CEP112: variants seen among roughly 807,000 people sequenced by gnomAD.
The protein encoded by CEP112 is centrosomal protein of 112 kDa.
In CEP112, 127 loss-of-function variants were observed where a neutral mutation model predicts 153.0. The ratio of observed to expected loss-of-function variants is 0.83; its 90% CI spans 0.72 to 0.96. CEP112 has a LOEUF of 0.96. CEP112 is among the 40% of genes least tolerant of loss of function. The probability of loss-of-function intolerance (pLI) is 0.00; values close to 1 mark genes in which losing one functional copy is unlikely to be tolerated. For synonymous variants in CEP112, 358 were observed against 374.4 expected (o/e 0.96, Z 0.51); for missense variants, 1,089 against 1,101.2 (o/e 0.99, Z 0.16).
chr17:66,135,615 T>G (rs1313982110), intron 4 of CEP112, among the ~76,000 whole-genome samples: 1 of 152,138 alleles, frequency 6.6e-6, no homozygotes, highest in Non-Finnish European at 1.5e-5. Context: ...AAAACCAACA[T>G]GGAAAGAAAA....
At chr17:65,764,080 T>G (rs2052784616) in intron 21 of CEP112, among the ~76,000 whole-genome samples, 1 of 151,968 alleles carries the variant, frequency 6.6e-6, no homozygotes, top group Non-Finnish European at 1.5e-5. Context: ...ACCAGGATGG[T>G]TCAAGAATGG....
At chr17:65,648,541 T>G (rs1478541686) in intron 24 of CEP112, among the ~76,000 whole-genome samples, 1 of 152,166 alleles carries the variant, frequency 6.6e-6, no homozygotes, top group Non-Finnish European at 1.5e-5. Context: ...CATGTTCCAA[T>G]CAAGTAGAAC....
chr17:65,661,359 C>T (rs1490762158), intron 24 of CEP112, among the ~76,000 whole-genome samples: 1 of 152,148 alleles, frequency 6.6e-6, no homozygotes, highest in Non-Finnish European at 1.5e-5. Context: ...ATGTATTAGG[C>T]ACCATAGTGT....
At chr17:65,801,208 G>A (rs2055252516) in intron 21 of CEP112, among the ~76,000 whole-genome samples, 1 of 152,054 alleles carries the variant, frequency 6.6e-6, no homozygotes, top group Admixed American at 6.6e-5. Context: ...ACAGGCACAT[G>A]CCACTACATC....
At chr17:66,063,990 T>C (rs2067021289) in intron 10 of CEP112, among the ~76,000 whole-genome samples, 1 of 152,186 alleles carries the variant, frequency 6.6e-6, no homozygotes, top group South Asian at 2.1e-4. Context: ...TCACACCTTC[T>C]TTATGAACCA....
At chr17:65,686,951 A>G (rs1052842291) in intron 24 of CEP112, among the ~76,000 whole-genome samples, 1 of 151,328 alleles carries the variant, frequency 6.6e-6, no homozygotes, top group African/African-American at 2.4e-5. Flanking sequence ...GGATCTGAAT[A>G]CTCTTCTACT....
intron 4 of CEP112, among the ~76,000 whole-genome samples, chr17:66,134,953 A>G (rs1485013391): frequency 6.6e-6 from 1 of 152,094 alleles, no homozygotes. Flanking sequence ...TTCTGTGTCT[A>G]ATTTATTTTC....
intron 23 of CEP112, among the ~76,000 whole-genome samples, chr17:65,706,358 A>C (rs577549218): frequency 6.6e-6 from 1 of 152,310 alleles, no homozygotes; most frequent in South Asian, 2.1e-4. Context: ...ACCCTGGTGC[A>C]GTCCCTGGAG....
rs1368273866 is a variant in CEP112, at chr17:65,937,465, C to T, written c.1873-9776G>A. ...GAGGTGAGGAGCGTCTCTGCCCGGC[C>T]GCCCCGTCTGAGAAGTGAGGAGACC... On this transcript the variant is annotated intron_variant, in intron 18 of 26. Transcript: ENST00000535342. Among the ~76,000 whole-genome samples the T allele has an allele frequency of 1.3e-4, 14 of 107,608 alleles. 1 individual carries two copies. In the East Asian group the frequency reaches 2.2e-3, roughly 17 times the overall value. The allele number at this position is 107,608 out of a possible 152,430, so 70.6% of individuals were successfully genotyped here. A position where few individuals can be genotyped will look rare whatever the true frequency, so the allele number is the denominator to read the frequency against.
rs540793043 is a variant in CEP112 at position 65,699,424 on chromosome 17, G to A, written c.2608-10206C>T. On this transcript the variant is annotated intron_variant, in intron 23 of 26. Transcript: ENST00000535342. ...GAGAAAAATAACTGAGTTTTACCCA[G>A]TCTGCTCCCTCGAGTGTCAGAAGTG... 1.7e-4 allele frequency among the ~76,000 whole-genome samples: 26 copies of A among 152,180 alleles called. No individual in the cohort carries two copies. In the East Asian group the frequency reaches 4.6e-3, roughly 27 times the overall value.
At chr17:66,038,105 A>G (rs2065813546) in intron 12 of CEP112, among the ~76,000 whole-genome samples, 1 of 146,178 alleles carries the variant, frequency 6.8e-6, no homozygotes, top group South Asian at 2.1e-4. Context: ...TGTCTCAAAA[A>G]AAAAAAAAAG....
chr17:65,924,149 T>G (rs1388132635), intron 19 of CEP112, among the ~76,000 whole-genome samples: 2 of 152,072 alleles, frequency 1.3e-5, no homozygotes, highest in African/African-American at 4.8e-5. Flanking sequence ...GCTAATTTTT[T>G]GCATTTTTAG....
At chr17:65,845,634 G>C (rs935262794) in intron 21 of CEP112, among the ~76,000 whole-genome samples, 15 of 152,082 alleles carry the variant, frequency 9.9e-5, no homozygotes, top group African/African-American at 3.4e-4. Context: ...AGCTGAATAG[G>C]TTTCTAAAAC....
At chr17:65,749,360 T>C (rs1367929417) in intron 22 of CEP112, among the ~76,000 whole-genome samples, 1 of 151,850 alleles carries the variant, frequency 6.6e-6, no homozygotes, top group African/African-American at 2.4e-5. Flanking sequence ...TACAAAAAAT[T>C]AGCTGGGCGT....
chr17:66,154,173 G>A (rs1318062625), intron 4 of CEP112, among the ~76,000 whole-genome samples: 2 of 141,966 alleles, frequency 1.4e-5, no homozygotes, highest in Non-Finnish European at 3.1e-5. Context: ...GTGAGACTCC[G>A]TCTCAAAAAA....
intron 17 of CEP112, among the ~76,000 whole-genome samples, chr17:65,994,018 G>GA (rs11306856): frequency 2.7e-5 from 4 of 145,934 alleles, no homozygotes; most frequent in African/African-American, 5.0e-5. Context: ...CGGTTCATAG[G>GA]AAAAAAAAAA....
Position 65,927,597 on chromosome 17 carries a change from C to T in CEP112, c.1965G>A (p.Gln655=). The change falls in exon 19 of 27, where the codon CAG becomes CAA. Residue 655 remains glutamine (Q), a synonymous_variant. Transcript: ENST00000535342. ...EFLWQLEDIR[Q]RYEQQIVELK... is the part of the protein sequence containing the mutation. ...AAAGACCAACCTGTTGTTCATACCGCTGTCTGATGTCCTCCAGTTGCCATA... is the reference window on the plus strand; with the variant it reads ...AAAGACCAACCTGTTGTTCATACCGTTGTCTGATGTCCTCCAGTTGCCATA... 3 of 1,596,708 alleles carry T rather than the reference C, an allele frequency of 1.9e-6. No individual in the cohort carries two copies. Among genetic ancestry groups the T allele is most frequent in the Non-Finnish European group, 2.6e-6 (3 of 1,173,344 alleles).
At chr17:65,950,370 T>C (rs1387630042) in intron 18 of CEP112, among the ~76,000 whole-genome samples, 2 of 152,192 alleles carry the variant, frequency 1.3e-5, no homozygotes, top group African/African-American at 2.4e-5. Context: ...AAACAAAGAA[T>C]AGCTCTCCAC....
intron 23 of CEP112, among the ~76,000 whole-genome samples, chr17:65,695,254 C>G (rs571480643): frequency 6.6e-6 from 1 of 152,274 alleles, no homozygotes. Flanking sequence ...TGTTCCAAAT[C>G]TGAAAATAAT....
Sources: gnomAD v4.1 joint callset for allele counts (sites outside exome capture counted in the v4.1 genomes callset) on GRCh38, gnomAD v4.1.1 for gene constraint, MANE v1.5 for transcripts, NCBI Gene and HGNC (gene_info 2026-07-23, HGNC 2026-07-21) for gene names.